Variants in MCM8 observed in about 807,000 individuals in gnomAD.
MCM8 encodes DNA helicase MCM8.
A neutral mutation model predicts 98.9 loss-of-function variants in MCM8; 85 were observed. The observed-to-expected ratio is 0.86, with a 90% confidence interval of 0.72 to 1.03. The LOEUF is 1.03. Among genes scored for constraint, MCM8 ranks in the 50% least tolerant of loss-of-function variants. The probability of loss-of-function intolerance (pLI) is 0.00; values close to 1 mark genes in which losing one functional copy is unlikely to be tolerated. For synonymous variants in MCM8, 352 were observed against 338.6 expected, an observed-to-expected ratio of 1.04 and a Z score of -0.44; for missense variants, 951 against 997.8, an observed-to-expected ratio of 0.95 and a Z score of 0.63.
chr20:5,997,946 T>G lies in MCM8; in HGVS notation c.*3555T>G, dbSNP rs1169306592. On this transcript the variant is annotated 3_prime_UTR_variant, in exon 19 of 19. Coordinates refer to ENST00000610722, the MANE Select transcript of MCM8 (RefSeq NM_032485.6). The stretch of plus-strand genomic sequence containing the variant: ...GTAATCAACTTGATCATTTCATTTT[T>G]AGGATAGAGATATCAAGGTGAGGGT... 6.6e-6 allele frequency: 1 copy of G among 152,198 alleles called. No individual in the cohort carries two copies. The highest frequency in any genetic ancestry group is 1.5e-5 in the Non-Finnish European group (1 of 68,028). The allele number at this position is 152,198 out of a possible 1,614,324, so 9.4% of individuals were successfully genotyped here.
intron 16 of MCM8, among the ~76,000 whole-genome samples, chr20:5,986,424 C>T (rs1203121329): frequency 1.3e-5 from 2 of 152,206 alleles, no homozygotes; most frequent in African/African-American, 4.8e-5. Context: ...GTTAGGTTAA[C>T]TAGGAGTATG....
At chr20:5,974,798 T>C (rs1399779798) in intron 12 of MCM8, among the ~76,000 whole-genome samples, 1 of 152,206 alleles carries the variant, frequency 6.6e-6, no homozygotes, top group Non-Finnish European at 1.5e-5. Flanking sequence ...AACCAGTCAT[T>C]TTAATTCCTA....
At position 5,952,041 on chromosome 20, in the gene MCM8, G is replaced by T. The variant is rs1356963234; in HGVS notation, c.26G>T (p.Gly9Val). The T allele has an allele frequency of 1.9e-6, 3 of 1,614,030 alleles. No individual in the cohort carries two copies. In the African/African-American group the frequency reaches 4.0e-5, roughly 22 times the overall value. Reference sequence around the variant, plus strand: ...ATGAATGGAGAGTATAGAGGCAGAGGATTTGGACGAGGAAGATTTCAAAGC... The same window carrying T: ...ATGAATGGAGAGTATAGAGGCAGAGTATTTGGACGAGGAAGATTTCAAAGC... The part of the protein sequence containing the change: MNGEYRGR[G>V]FGRGRFQSWK... The change falls in exon 2 of 19, where the codon GGA becomes GTA. Residue 9 changes from glycine (G) to valine (V), a missense_variant. Coordinates refer to ENST00000610722, the MANE Select transcript of MCM8 (RefSeq NM_032485.6).
At chr20:5,976,051 C>G (rs1476851665) in intron 12 of MCM8, among the ~76,000 whole-genome samples, 1 of 152,102 alleles carries the variant, frequency 6.6e-6, no homozygotes, top group Non-Finnish European at 1.5e-5. Context: ...TGCAGTGGCT[C>G]ATGCCTGTAA....
At chr20:5,956,382 C>G (rs560729398) in intron 5 of MCM8, among the ~76,000 whole-genome samples, 2 of 152,296 alleles carry the variant, frequency 1.3e-5, no homozygotes, top group African/African-American at 2.4e-5. Context: ...AGGTTGCCAG[C>G]AAACTGCTGT....
Position 5,967,943 on chromosome 20 carries a change from A to T in MCM8, c.1141A>T (p.Met381Leu), listed in dbSNP as rs763127187. 6.2e-7 allele frequency: 1 copy of T among 1,614,170 alleles called. No individual in the cohort carries two copies. Among genetic ancestry groups the T allele is most frequent in the South Asian group, 1.1e-5 (1 of 91,082 alleles). ...KSSEDGCKHGMLMEFSLKDLY... is the reference protein window; with the variant it reads ...KSSEDGCKHGLLMEFSLKDLY... ...TTCTGAGGATGGGTGTAAGCATGGAATGTTGATGGAGTTCTCACTTAAAGA... is the reference window on the plus strand; with the variant it reads ...TTCTGAGGATGGGTGTAAGCATGGATTGTTGATGGAGTTCTCACTTAAAGA... Residue 381 changes from methionine to leucine, a missense_variant, in exon 10 of 19, where the codon ATG becomes TTG. Met to Leu is a conservative substitution (Grantham distance 15). Transcript: ENST00000610722.
intron 7 of MCM8, among the ~76,000 whole-genome samples, chr20:5,959,560 C>T (rs988982258): frequency 2.0e-5 from 3 of 152,006 alleles, no homozygotes; most frequent in Admixed American, 6.6e-5. Flanking sequence ...AAATAAATAG[C>T]CACAATTTAT....
rs538140317 is a variant in MCM8 at position 5,981,374 on chromosome 20, T to C, written c.1538-1596T>C. 2.6e-5 allele frequency among the ~76,000 whole-genome samples: 4 copies of C among 151,854 alleles called. No individual in the cohort carries two copies. In the South Asian group the frequency reaches 8.3e-4, roughly 32 times the overall value. On this transcript the variant is annotated intron_variant, in intron 13 of 18. Transcript: ENST00000610722. ...CTCACTATGTCCCAGAGCTCCACATTGAACAGCAGGAACAGGCTAATGCAC... is the reference window on the plus strand; with the variant it reads ...CTCACTATGTCCCAGAGCTCCACATCGAACAGCAGGAACAGGCTAATGCAC...
At chr20:5,972,123 T>G (rs2089417089) in intron 11 of MCM8, 86 bp downstream of exon 11, 10 of 975,272 alleles carry the variant, frequency 1.0e-5, no homozygotes, top group Middle Eastern at 3.0e-4. Context: ...GTAGCAAATT[T>G]CTATTGGCCA....
intron 18 of MCM8, 110 bp downstream of exon 18, chr20:5,993,805 C>G: frequency 1.2e-6 from 1 of 863,544 alleles, no homozygotes; most frequent in African/African-American, 1.7e-5. Flanking sequence ...TGCTTCTTCT[C>G]AAAGGTTTTC....
At chr20:5,989,120 CTT>C (rs1172678780) in intron 17 of MCM8, among the ~76,000 whole-genome samples, 32 of 120,244 alleles carry the variant, frequency 2.7e-4, no homozygotes, top group Middle Eastern at 4.1e-3. Flanking sequence ...TAGCGCAAGT[CTT>C]TTTTTTTTTT....
At position 5,950,933 on chromosome 20, in the gene MCM8, G is replaced by A. The variant is rs2088805081; in HGVS notation, c.-96G>A. 6.6e-6 allele frequency: 1 copy of A among 152,416 alleles called. No homozygotes were observed. The highest frequency in any genetic ancestry group is 2.0e-4 in the South Asian group (1 of 4,894). 9.4% of individuals were successfully genotyped at this position (152,416 alleles called of 1,614,324 possible). A position where few individuals can be genotyped will look rare whatever the true frequency, so the allele number is the denominator to read the frequency against. ...CGTGGTGCTTCTCTACGGGAGGGAGGGAGGGAGAATCCGGCCGGACAGATC... is the reference window on the plus strand; with the variant it reads ...CGTGGTGCTTCTCTACGGGAGGGAGAGAGGGAGAATCCGGCCGGACAGATC... On this transcript the variant is annotated 5_prime_UTR_variant, in exon 1 of 19. Transcript: ENST00000610722.
At chr20:5,983,239 C>T in intron 14 of MCM8, 74 bp downstream of exon 14, 1 of 1,239,556 alleles carries the variant, frequency 8.1e-7, no homozygotes. Context: ...AAATAGTTCA[C>T]AGAACTACAG....
intron 17 of MCM8, among the ~76,000 whole-genome samples, chr20:5,992,259 T>C (rs1189712673): frequency 6.6e-6 from 1 of 152,228 alleles, no homozygotes; most frequent in African/African-American, 2.4e-5. Context: ...CAAGTCACTT[T>C]AATCTTAGCA....
chr20:5,954,876 G>A (rs77839128), intron 4 of MCM8, among the ~76,000 whole-genome samples, 186 bp downstream of exon 4: 1,927 of 152,276 alleles, frequency 0.013, 16 homozygotes, highest in Non-Finnish European at 0.018. Flanking sequence ...TTCATTTGGA[G>A]ATAGAGGTAT....
chr20:5,992,004 G>A (rs1309379571), intron 17 of MCM8, among the ~76,000 whole-genome samples: 1 of 152,178 alleles, frequency 6.6e-6, no homozygotes, highest in Non-Finnish European at 1.5e-5. Context: ...AGTTACCAGA[G>A]CACTTAGCTG....
intron 12 of MCM8, among the ~76,000 whole-genome samples, chr20:5,973,549 A>G (rs1345278192): frequency 6.6e-6 from 1 of 152,228 alleles, no homozygotes; most frequent in Non-Finnish European, 1.5e-5. Flanking sequence ...AGGGTCACCT[A>G]TTCTCCCTCA....
chr20:5,968,593 G>A (rs2089331040), intron 10 of MCM8, among the ~76,000 whole-genome samples: 1 of 152,200 alleles, frequency 6.6e-6, no homozygotes, highest in Middle Eastern at 3.4e-3. Context: ...AAGTTCTATT[G>A]GAACATAGCC....
rs1350776596 is a variant in MCM8, at chr20:5,983,080, C to A, written c.1648C>A (p.Leu550Ile). 1 of 1,614,136 alleles carries A rather than the reference C, an allele frequency of 6.2e-7. No homozygotes were observed. The highest frequency in any genetic ancestry group is 1.7e-5 in the Admixed American group (1 of 60,014). Residue 550 changes from leucine to isoleucine, a missense_variant, in exon 14 of 19, where the codon CTT becomes ATT. Coordinates refer to ENST00000610722, the MANE Select transcript of MCM8 (RefSeq NM_032485.6). Reference sequence around the variant, plus strand: ...TGCTAAGGCTGGTGTGGTTTGTAGCCTTCCTGCAAGAACTTCCATTATTGC... The same window carrying A: ...TGCTAAGGCTGGTGTGGTTTGTAGCATTCCTGCAAGAACTTCCATTATTGC... ...SLAKAGVVCS[L>I]PARTSIIAAA...
Sources: gnomAD v4.1 joint callset for allele counts (sites outside exome capture counted in the v4.1 genomes callset) on GRCh38, gnomAD v4.1.1 for gene constraint, MANE v1.5 for transcripts, NCBI Gene and HGNC (gene_info 2026-07-23, HGNC 2026-07-21) for gene names.